The following MCTP1 variants were observed in gnomAD, a reference collection of about 807,000 sequenced individuals.
The protein encoded by MCTP1 is multiple C2 and transmembrane domain containing 1.
In MCTP1, 69 loss-of-function variants were observed where a neutral mutation model predicts 120.6. That is an observed-to-expected ratio of 0.57 (90% CI 0.47 to 0.70). The LOEUF (loss-of-function observed/expected upper bound fraction) is 0.70, where lower values mean the gene tolerates loss of function less well. MCTP1 is among the 30% of genes least tolerant of loss of function. The probability of loss-of-function intolerance (pLI) is 0.00; values close to 1 mark genes in which losing one functional copy is unlikely to be tolerated. For missense variants in MCTP1, 1,203 were observed against 1,248.8 expected (o/e 0.96, Z 0.55); for synonymous variants, 529 against 493.1 (o/e 1.07, Z -0.96).
At chr5:95,256,010 A>C (rs1182116901) in intron 1 of MCTP1, among the ~76,000 whole-genome samples, 4 of 152,188 alleles carry the variant, frequency 2.6e-5, no homozygotes, top group African/African-American at 7.2e-5. Context: ...ATAAAGGGCT[A>C]AATATCATAC....
At position 95,284,581 on chromosome 5, in the gene MCTP1, A is replaced by G; in HGVS notation, c.-6T>C. Reference sequence around the variant, plus strand: ...GCGGCAGCCCGGGGCTCCATCCTCCACCCCCTGCTCCTCCTCTCCCCTCCT... The same window carrying G: ...GCGGCAGCCCGGGGCTCCATCCTCCGCCCCCTGCTCCTCCTCTCCCCTCCT... On this transcript the variant is annotated 5_prime_UTR_variant, in exon 1 of 23. Transcript: ENST00000515393. The surrounding 1 kb of genome is among the most constrained non-coding windows in gnomAD (Gnocchi z 5.2). 7.1e-7 allele frequency: 1 copy of G among 1,416,368 alleles called. No individual in the cohort carries two copies. The highest frequency in any genetic ancestry group is 9.1e-7 in the Non-Finnish European group (1 of 1,098,648). 87.7% of individuals were successfully genotyped at this position (1,416,368 alleles called of 1,614,324 possible).
chr5:94,707,444 T>C lies in MCTP1; in HGVS notation c.*52A>G. On this transcript the variant is annotated 3_prime_UTR_variant, in exon 23 of 23. Transcript: ENST00000515393. ...GGAAATGCTGCTGAGGCTGAGGGCT[T>C]TTTCTTTTATCTTCCCAAACAGATG... 2 of 1,428,750 alleles carry C rather than the reference T, an allele frequency of 1.4e-6. No individual in the cohort carries two copies. Among genetic ancestry groups the C allele is most frequent in the Non-Finnish European group, 1.9e-6 (2 of 1,028,498 alleles). The allele number at this position is 1,428,750 out of a possible 1,614,324, so 88.5% of individuals were successfully genotyped here. A position where few individuals can be genotyped will look rare whatever the true frequency, so the allele number is the denominator to read the frequency against.
intron 1 of MCTP1, among the ~76,000 whole-genome samples, chr5:95,072,756 T>TTG: frequency 6.9e-6 from 1 of 144,132 alleles, no homozygotes; most frequent in East Asian, 2.0e-4. Context: ...TTTTTTTTTT[T>TTG]TTTTTTTGAG....
intron 1 of MCTP1, among the ~76,000 whole-genome samples, chr5:95,154,861 C>G (rs1006947007): frequency 6.6e-6 from 1 of 151,810 alleles, no homozygotes; most frequent in East Asian, 1.9e-4. Context: ...TTTGTCATTT[C>G]CATGATTTAT....
At chr5:95,077,511 C>T (rs1278087581) in intron 1 of MCTP1, among the ~76,000 whole-genome samples, 11 of 151,450 alleles carry the variant, frequency 7.3e-5, no homozygotes, top group Admixed American at 5.9e-4. Flanking sequence ...CCCACTCTGT[C>T]GCCCAGGCTG....
At chr5:95,035,676 T>C (rs909194203) in intron 1 of MCTP1, among the ~76,000 whole-genome samples, 1 of 152,114 alleles carries the variant, frequency 6.6e-6, no homozygotes, top group Non-Finnish European at 1.5e-5. Flanking sequence ...TATTATACAA[T>C]ACAATCATGT....
chr5:95,085,756 C>T (rs1354677634), intron 1 of MCTP1, among the ~76,000 whole-genome samples: 2 of 152,062 alleles, frequency 1.3e-5, no homozygotes, highest in South Asian at 2.1e-4. Flanking sequence ...AAACGATCTC[C>T]AGAGATCCAC....
rs1248448300 is a variant in MCTP1 at position 94,763,381 on chromosome 5, C to T, written c.2610+15729G>A. ...TCTAGTGTCATTTCCCTCGACTCTC[C>T]CTCCTGCACATTATGCTCCTATGAT... On this transcript the variant is annotated intron_variant, in intron 19 of 22. Transcript: ENST00000515393. Among the ~76,000 whole-genome samples, 5 of 152,250 alleles carry T rather than the reference C, an allele frequency of 3.3e-5. No homozygotes were observed. In the East Asian group the frequency reaches 7.7e-4, roughly 23 times the overall value.
At chr5:95,084,477 A>G (rs6556857) in intron 1 of MCTP1, among the ~76,000 whole-genome samples, 51,015 of 151,382 alleles carry the variant, frequency 0.34, 8,825 homozygotes, top group South Asian at 0.41. Flanking sequence ...AGAGACAGAG[A>G]GAGGAAGCTG....
intron 6 of MCTP1, chr5:94,931,640 CT>C: frequency 3.6e-6 from 1 of 275,832 alleles, no homozygotes; most frequent in Non-Finnish European, 6.7e-6. Context: ...GGAGTTGTCC[CT>C]CCCCTAGCCT....
intron 19 of MCTP1, among the ~76,000 whole-genome samples, chr5:94,765,385 G>C (rs1200601446): frequency 6.6e-6 from 1 of 152,092 alleles, no homozygotes; most frequent in Non-Finnish European, 1.5e-5. Flanking sequence ...AAGGAAAGAA[G>C]TAATAAAGAT....
chr5:94,822,032 A>AT (rs939205084), intron 17 of MCTP1, among the ~76,000 whole-genome samples: 17 of 151,900 alleles, frequency 1.1e-4, no homozygotes, highest in Admixed American at 6.6e-4. Context: ...TTGCCATTAA[A>AT]TTTTTTTTGC....
rs76993948 is a variant in MCTP1, at chr5:95,220,337, T to C, written c.720+63519A>G. Among the ~76,000 whole-genome samples, 4 of 146,562 alleles carry C rather than the reference T, an allele frequency of 2.7e-5. No homozygotes were observed. The South Asian group carries it at 8.5e-4, about 31-fold the overall frequency. On this transcript the variant is annotated intron_variant, in intron 1 of 22. Coordinates refer to ENST00000515393, the MANE Select transcript of MCTP1 (RefSeq NM_024717.7). ...CCTGGATCCTCATTTTCTTCTTCCT[T>C]TTTTTTTTTTTTACAAAGAATTCCT...
chr5:94,898,773 G>A (rs1223102533), intron 10 of MCTP1, among the ~76,000 whole-genome samples: 1 of 152,154 alleles, frequency 6.6e-6, no homozygotes, highest in Non-Finnish European at 1.5e-5. Flanking sequence ...AAAAGTCCCG[G>A]GTTTGGGAGT....
intron 1 of MCTP1, among the ~76,000 whole-genome samples, chr5:95,268,552 T>C (rs1759096000): frequency 6.6e-6 from 1 of 152,194 alleles, no homozygotes. Flanking sequence ...ATAGCTTCAG[T>C]AAAAGATTTG....
chr5:94,938,105 G>A (rs1816652665), intron 5 of MCTP1, among the ~76,000 whole-genome samples: 1 of 151,912 alleles, frequency 6.6e-6, no homozygotes, highest in African/African-American at 2.4e-5. Context: ...TTTTTGCCAT[G>A]GCCTCCTAAT....
At chr5:95,243,100 A>G (rs1202730566) in intron 1 of MCTP1, among the ~76,000 whole-genome samples, 2 of 152,202 alleles carry the variant, frequency 1.3e-5, no homozygotes, top group African/African-American at 4.8e-5. Flanking sequence ...TACAAGGGAA[A>G]TTTGGCTTTG....
chr5:94,958,422 G>A (rs1409828149), intron 2 of MCTP1, among the ~76,000 whole-genome samples: 1 of 152,014 alleles, frequency 6.6e-6, no homozygotes, highest in Non-Finnish European at 1.5e-5. Context: ...TAAGATCAGA[G>A]CAGAACTGAA....
chr5:95,259,440 T>A (rs1470769670), intron 1 of MCTP1, among the ~76,000 whole-genome samples: 1 of 152,122 alleles, frequency 6.6e-6, no homozygotes, highest in Non-Finnish European at 1.5e-5. Context: ...AGCCCCCCAC[T>A]TTGTCTGGAG....
Sources: allele counts gnomAD v4.1 joint callset (sites outside exome capture counted in the v4.1 genomes callset), GRCh38; gene constraint gnomAD v4.1.1; non-coding constraint Gnocchi (gnomAD v3.1); transcripts MANE v1.5; gene names NCBI Gene and HGNC (gene_info 2026-07-23, HGNC 2026-07-21).